Variants in PAX5 observed in about 807,000 individuals in gnomAD.
The protein encoded by PAX5 is paired box protein Pax-5.
PAX5 carries 9 observed loss-of-function variants against 43.7 expected under a neutral mutation model. The ratio of observed to expected loss-of-function variants is 0.21; its 90% CI spans 0.12 to 0.36. The LOEUF (loss-of-function observed/expected upper bound fraction) is 0.36. Among genes scored for constraint, PAX5 ranks in the 10% least tolerant of loss-of-function variants. The probability of loss-of-function intolerance (pLI) is 1.00; values close to 1 mark genes in which losing one functional copy is unlikely to be tolerated. For missense variants in PAX5, 383 were observed against 532.7 expected (o/e 0.72, Z 2.77); for synonymous variants, 228 against 214.3 (o/e 1.06, Z -0.56).
intron 9 of PAX5, among the ~76,000 whole-genome samples, chr9:36,843,746 T>C (rs1260372387): frequency 6.6e-6 from 1 of 152,260 alleles, no homozygotes; most frequent in African/African-American, 2.4e-5. Context: ...CTTTCTTGTA[T>C]ATGACCTTGA....
chr9:37,019,758 G>T (rs912275527), intron 2 of PAX5, among the ~76,000 whole-genome samples: 1 of 152,120 alleles, frequency 6.6e-6, no homozygotes, highest in Admixed American at 6.5e-5. Context: ...TGCCTGCCAG[G>T]GCAGACCTAA....
intron 6 of PAX5, among the ~76,000 whole-genome samples, chr9:36,926,421 C>T (rs1014957948): frequency 1.3e-5 from 2 of 152,218 alleles, no homozygotes; most frequent in Non-Finnish European, 2.9e-5. Flanking sequence ...ACTTCTTGAT[C>T]TAGGTTACAG....
In PAX5 at chr9:36,840,180, T is replaced by C; in HGVS notation, c.*380A>G. The C allele has an allele frequency of 2.3e-6, 1 of 431,170 alleles. No homozygotes were observed. The highest frequency in any genetic ancestry group is 4.2e-5 in the East Asian group (1 of 23,554). The allele number at this position is 431,170 out of a possible 1,614,324, so 26.7% of individuals were successfully genotyped here. A position where few individuals can be genotyped will look rare whatever the true frequency, so the allele number is the denominator to read the frequency against. Reference sequence around the variant, plus strand: ...AAAAGCAAGAAGGTATTTACATGGGTGCTGCTGAAGCAACAAAAGCAAGCT... The same window carrying C: ...AAAAGCAAGAAGGTATTTACATGGGCGCTGCTGAAGCAACAAAAGCAAGCT... On this transcript the variant is annotated 3_prime_UTR_variant, in exon 10 of 10. Transcript: ENST00000358127.
intron 7 of PAX5, among the ~76,000 whole-genome samples, chr9:36,908,942 T>G (rs1008591572): frequency 1.1e-4 from 16 of 152,262 alleles, no homozygotes; most frequent in Admixed American, 9.2e-4. Context: ...TTAATTCATT[T>G]TATTCAACAA....
chr9:36,874,001 C>T (rs1043724717), intron 8 of PAX5, among the ~76,000 whole-genome samples: 2 of 152,192 alleles, frequency 1.3e-5, no homozygotes, highest in Non-Finnish European at 2.9e-5. Flanking sequence ...CCTGGTACTG[C>T]GGCCCCCACC....
At chr9:36,887,335 T>A (rs1826989080) in intron 7 of PAX5, among the ~76,000 whole-genome samples, 1 of 152,192 alleles carries the variant, frequency 6.6e-6, no homozygotes, top group Admixed American at 6.5e-5. Context: ...AATAATCCAA[T>A]GCATAGATTA....
chr9:37,001,810 CTTT>C (rs3073720), intron 5 of PAX5, among the ~76,000 whole-genome samples: 6 of 87,996 alleles, frequency 6.8e-5, no homozygotes, highest in South Asian at 1.0e-3. Flanking sequence ...ACAGCTCTGG[CTTT>C]TTTTTTTTTT....
chr9:36,952,234 C>CTTTTTTTTTTTTTTTTTTTTTTTTTTTT lies in PAX5; in HGVS notation c.780+14314_780+14315insAAAAAAAAAAAAAAAAAAAAAAAAAAAA, dbSNP rs138009049. 6.0e-5 allele frequency among the ~76,000 whole-genome samples: 4 copies of CTTTTTTTTTTTTTTTTTTTTTTTTTTTT among 66,626 alleles called. 2 individuals carry two copies. Among genetic ancestry groups the CTTTTTTTTTTTTTTTTTTTTTTTTTTTT allele is most frequent in the South Asian group, 1.4e-3 (2 of 1,382 alleles). 43.7% of individuals were successfully genotyped at this position (66,626 alleles called of 152,430 possible). A position where few individuals can be genotyped will look rare whatever the true frequency, so the allele number is the denominator to read the frequency against. On this transcript the variant is annotated intron_variant, in intron 6 of 9. Coordinates refer to ENST00000358127, the MANE Select transcript of PAX5 (RefSeq NM_016734.3). The stretch of plus-strand genomic sequence containing the variant: ...TTTTTAATATGCTCTGACCATCTCC[C>CTTTTTTTTTTTTTTTTTTTTTTTTTTTT]TTTTTTTTTTTTTTTTTTTTTTTGA...
chr9:36,917,895 A>G (rs900565658), intron 7 of PAX5, among the ~76,000 whole-genome samples: 5 of 152,142 alleles, frequency 3.3e-5, no homozygotes, highest in African/African-American at 1.2e-4. Flanking sequence ...TATATCTGTT[A>G]TGGTGATCTG....
Position 36,839,865 on chromosome 9 carries a change from G to T in PAX5, c.*695C>A. 3 of 233,904 alleles carry T rather than the reference G, an allele frequency of 1.3e-5. No homozygotes were observed. The highest frequency in any genetic ancestry group is 2.5e-5 in the Non-Finnish European group (3 of 118,460). The allele number at this position is 233,904 out of a possible 1,614,324, so 14.5% of individuals were successfully genotyped here. ...CAGAGAAATGGAGGCAGGAAACCAGGACATCTCCCCAAAGTGTGCTCCTCT... is the reference window on the plus strand; with the variant it reads ...CAGAGAAATGGAGGCAGGAAACCAGTACATCTCCCCAAAGTGTGCTCCTCT... On this transcript the variant is annotated 3_prime_UTR_variant, in exon 10 of 10. Transcript: ENST00000358127.
intron 6 of PAX5, among the ~76,000 whole-genome samples, chr9:36,948,444 T>G (rs1015941553): frequency 1.3e-5 from 2 of 152,226 alleles, no homozygotes; most frequent in African/African-American, 4.8e-5. Flanking sequence ...GAACTCGTCC[T>G]CTGTTGCACC....
At chr9:36,999,837 G>C (rs935023677) in intron 5 of PAX5, among the ~76,000 whole-genome samples, 1 of 152,028 alleles carries the variant, frequency 6.6e-6, no homozygotes, top group African/African-American at 2.4e-5. Context: ...CTGGCCTTCA[G>C]GTCTCACTTC....
intron 1 of PAX5, among the ~76,000 whole-genome samples, chr9:37,024,402 A>C (rs1564089041): frequency 6.6e-6 from 1 of 152,182 alleles, no homozygotes; most frequent in Non-Finnish European, 1.5e-5. Flanking sequence ...GAGCGGTAAC[A>C]GGAAGAAGAA....
intron 6 of PAX5, among the ~76,000 whole-genome samples, chr9:36,924,577 A>C (rs891141054): frequency 3.3e-5 from 5 of 151,568 alleles, no homozygotes; most frequent in African/African-American, 1.2e-4. Context: ...AAAATTAGCC[A>C]GGTGTGGTAG....
At chr9:36,974,871 C>T (rs1354026421) in intron 5 of PAX5, among the ~76,000 whole-genome samples, 2 of 152,132 alleles carry the variant, frequency 1.3e-5, no homozygotes, top group Non-Finnish European at 2.9e-5. Context: ...GGTCACCCCC[C>T]ACTTCACCCC....
rs562084360 is a variant in PAX5 at position 37,015,287 on chromosome 9, C to T, written c.213-93G>A. On this transcript the variant is annotated intron_variant, in intron 2 of 9. Transcript: ENST00000358127. The surrounding 1 kb of genome is among the most constrained non-coding windows in gnomAD (Gnocchi z 4.4). ...CGGGCTACTCTGGCCAGGAAACGTCCGGATCTGCACGTTCCAATACAGTAG... is the reference window on the plus strand; with the variant it reads ...CGGGCTACTCTGGCCAGGAAACGTCTGGATCTGCACGTTCCAATACAGTAG... 3.7e-5 allele frequency: 39 copies of T among 1,065,548 alleles called. No homozygotes were observed. The highest frequency in any genetic ancestry group is 4.7e-5 in the African/African-American group (3 of 63,990). 66.0% of individuals were successfully genotyped at this position (1,065,548 alleles called of 1,614,324 possible).
At chr9:36,925,479 C>T (rs1055164298) in intron 6 of PAX5, among the ~76,000 whole-genome samples, 1 of 152,174 alleles carries the variant, frequency 6.6e-6, no homozygotes, top group African/African-American at 2.4e-5. Flanking sequence ...GAAACAGAAT[C>T]CAGTCCAGAC....
intron 7 of PAX5, among the ~76,000 whole-genome samples, chr9:36,887,257 C>A (rs940559341): frequency 2.0e-5 from 3 of 152,104 alleles, no homozygotes; most frequent in Non-Finnish European, 4.4e-5. Flanking sequence ...GAAGAAAAAA[C>A]CAATGGAATA....
chr9:36,973,754 C>A (rs1835181681), intron 5 of PAX5, among the ~76,000 whole-genome samples: 1 of 152,094 alleles, frequency 6.6e-6, no homozygotes, highest in Non-Finnish European at 1.5e-5. Context: ...GCCTGTAATC[C>A]CAGCAGTTTG....
Sources: allele counts gnomAD v4.1 joint callset (sites outside exome capture counted in the v4.1 genomes callset), GRCh38; gene constraint gnomAD v4.1.1; non-coding constraint Gnocchi (gnomAD v3.1); transcripts MANE v1.5; gene names NCBI Gene and HGNC (gene_info 2026-07-23, HGNC 2026-07-21).